Variants in DLG2 observed in about 807,000 individuals in gnomAD.
The protein encoded by DLG2 is discs large MAGUK scaffold protein 2.
DLG2 carries 45 observed loss-of-function variants against 132.5 expected under a neutral mutation model. The observed-to-expected ratio is 0.34, with a 90% CI of 0.27 to 0.44. DLG2 has a LOEUF of 0.44. Ranked by LOEUF, DLG2 falls within the 20% of genes least tolerant of loss-of-function variation. The pLI is 1.00. For synonymous variants in DLG2, 424 were observed against 419.6 expected, an observed-to-expected ratio of 1.01 and a Z score of -0.13; for missense variants, 1,045 against 1,196.9, an observed-to-expected ratio of 0.87 and a Z score of 1.87.
At chr11:85,062,447 A>C (rs960709300) in intron 6 of DLG2, among the ~76,000 whole-genome samples, 1 of 151,694 alleles carries the variant, frequency 6.6e-6, no homozygotes, top group Admixed American at 6.6e-5. Context: ...AGAAGATAAT[A>C]AATATTACAG....
At chr11:83,737,084 C>T (rs903044114) in intron 18 of DLG2, among the ~76,000 whole-genome samples, 1 of 152,158 alleles carries the variant, frequency 6.6e-6, no homozygotes, top group African/African-American at 2.4e-5. Context: ...CCAAAAACCA[C>T]ACCTGTTTGG....
chr11:84,339,721 C>T (rs2154405089), intron 7 of DLG2, among the ~76,000 whole-genome samples: 1 of 152,240 alleles, frequency 6.6e-6, no homozygotes, highest in Non-Finnish European at 1.5e-5. Flanking sequence ...CAGCATCTCC[C>T]CATGGAAGTA....
At chr11:84,681,704 T>C (rs2099730455) in intron 6 of DLG2, among the ~76,000 whole-genome samples, 1 of 152,054 alleles carries the variant, frequency 6.6e-6, no homozygotes, top group Non-Finnish European at 1.5e-5. Context: ...CATTTCACTG[T>C]CTTGAACTCC....
chr11:83,725,792 C>G (rs2089886242), intron 18 of DLG2, among the ~76,000 whole-genome samples: 1 of 152,180 alleles, frequency 6.6e-6, no homozygotes. Context: ...AGCCAAAGCA[C>G]AGATGTTGAT....
intron 7 of DLG2, among the ~76,000 whole-genome samples, chr11:84,482,832 T>C (rs929926604): frequency 3.3e-5 from 5 of 152,166 alleles, no homozygotes; most frequent in African/African-American, 9.7e-5. Flanking sequence ...CTGCTGAATG[T>C]CTGAATAAAT....
chr11:84,816,118 C>T (rs928817866), intron 6 of DLG2, among the ~76,000 whole-genome samples: 1 of 152,040 alleles, frequency 6.6e-6, no homozygotes, highest in African/African-American at 2.4e-5. Flanking sequence ...GTTGCTGGCT[C>T]ATTTTAGATT....
chr11:84,119,612 GAA>G (rs1285180522), intron 9 of DLG2, among the ~76,000 whole-genome samples: 3 of 151,932 alleles, frequency 2.0e-5, no homozygotes, highest in Admixed American at 6.6e-5. Flanking sequence ...AAGTTATACA[GAA>G]AAAAGCATCT....
chr11:85,419,723 G>A (rs189482683), intron 3 of DLG2, among the ~76,000 whole-genome samples: 19 of 152,128 alleles, frequency 1.2e-4, no homozygotes, highest in Admixed American at 7.2e-4. Flanking sequence ...TGATCAACTC[G>A]GCTATTGATA....
chr11:83,965,235 A>G (rs1220094167), intron 13 of DLG2, 89 bp downstream of exon 13: 1 of 1,347,326 alleles, frequency 7.4e-7, no homozygotes, highest in Non-Finnish European at 1.0e-6. Context: ...CCAAGAGGGA[A>G]GGTACAAGTA....
chr11:84,223,424 C>A (rs999338611), intron 8 of DLG2, among the ~76,000 whole-genome samples: 1 of 152,152 alleles, frequency 6.6e-6, no homozygotes, highest in African/African-American at 2.4e-5. Flanking sequence ...TATTACCCTA[C>A]GTACAATGAC....
chr11:84,858,206 TTTC>T (rs2154026928), intron 6 of DLG2, among the ~76,000 whole-genome samples: 1 of 152,220 alleles, frequency 6.6e-6, no homozygotes, highest in East Asian at 1.9e-4. Flanking sequence ...CTAAAAATGT[TTTC>T]TTTTTTTTTA....
At chr11:85,145,676 T>C (rs1003220302) in intron 5 of DLG2, among the ~76,000 whole-genome samples, 1 of 152,050 alleles carries the variant, frequency 6.6e-6, no homozygotes, top group African/African-American at 2.4e-5. Context: ...TGCTTGATTA[T>C]TTAAAAAATT....
At chr11:85,449,745 G>A (rs896828293) in intron 3 of DLG2, among the ~76,000 whole-genome samples, 1 of 150,622 alleles carries the variant, frequency 6.6e-6, no homozygotes, top group East Asian at 1.9e-4. Context: ...ATATGCATTT[G>A]CTTCTGCCAA....
intron 7 of DLG2, among the ~76,000 whole-genome samples, chr11:84,328,146 C>G (rs184292699): frequency 1.3e-5 from 2 of 152,130 alleles, no homozygotes; most frequent in African/African-American, 4.8e-5. Context: ...CTATCCCTTG[C>G]CCACTGCACT....
chr11:83,807,918 C>A (rs2046327174), intron 17 of DLG2, among the ~76,000 whole-genome samples: 1 of 152,128 alleles, frequency 6.6e-6, no homozygotes, highest in South Asian at 2.1e-4. Context: ...TTAATCTTCC[C>A]TCTTCTCTTA....
At chr11:83,860,182 C>A (rs1273858344) in intron 16 of DLG2, among the ~76,000 whole-genome samples, 1 of 152,196 alleles carries the variant, frequency 6.6e-6, no homozygotes, top group Non-Finnish European at 1.5e-5. Flanking sequence ...TACTGGGGCA[C>A]CACCTAGTGG....
At chr11:85,421,833 G>C (rs1360372464) in intron 3 of DLG2, among the ~76,000 whole-genome samples, 2 of 152,004 alleles carry the variant, frequency 1.3e-5, no homozygotes, top group South Asian at 2.1e-4. Flanking sequence ...TCCAGGATTT[G>C]TTTCAAGATT....
chr11:84,271,415 G>C (rs1266613575), intron 7 of DLG2, among the ~76,000 whole-genome samples: 2 of 152,112 alleles, frequency 1.3e-5, no homozygotes, highest in Non-Finnish European at 2.9e-5. Flanking sequence ...ACACATAGGG[G>C]TCTATTCCAT....
At chr11:83,578,668 G>C (rs2096921259) in intron 19 of DLG2, among the ~76,000 whole-genome samples, 1 of 152,122 alleles carries the variant, frequency 6.6e-6, no homozygotes, top group Non-Finnish European at 1.5e-5. Flanking sequence ...TATGAGCAAT[G>C]ATGAAGCCCC....
Sources: gnomAD v4.1 joint callset for allele counts (sites outside exome capture counted in the v4.1 genomes callset) on GRCh38, gnomAD v4.1.1 for gene constraint, MANE v1.5 for transcripts, NCBI Gene and HGNC (gene_info 2026-07-23, HGNC 2026-07-21) for gene names.